OTUD4: variants seen among roughly 807,000 people sequenced by gnomAD.
OTUD4 encodes the protein OTU deubiquitinase 4, also known as OTU domain-containing protein 4.
Under a neutral mutation model 130.4 loss-of-function variants are expected in OTUD4, and 24 were observed. That is an observed-to-expected ratio of 0.18 (90% CI 0.13 to 0.26). The LOEUF (loss-of-function observed/expected upper bound fraction) is 0.26. Among genes scored for constraint, OTUD4 ranks in the 10% least tolerant of loss-of-function variants. The pLI is 1.00. For missense variants in OTUD4, 1,031 were observed against 1,329.4 expected (o/e 0.78, Z 3.49); for synonymous variants, 420 against 472.5 (o/e 0.89, Z 1.44).
Position 145,146,461 on chromosome 4 carries a change from C to CATAAATAAATAAATAA in OTUD4, c.1260-48_1260-33dup, listed in dbSNP as rs55722437. The CATAAATAAATAAATAA allele has an allele frequency of 4.4e-4, 415 of 948,260 alleles. 1 individual carries two copies. The African/African-American group carries it at 6.9e-3, about 16-fold the overall frequency. 58.7% of individuals were successfully genotyped at this position (948,260 alleles called of 1,614,324 possible). A position where few individuals can be genotyped will look rare whatever the true frequency, so the allele number is the denominator to read the frequency against. ...AATAAAACATTCTTGTCAGAAAATA[C>CATAAATAAATAAATAA]ATAAATAAATAAATAAATAAATAAA... On this transcript the variant is annotated intron_variant, in intron 13 of 20. Transcript: ENST00000447906.
At position 145,150,832 on chromosome 4, in the gene OTUD4, G is replaced by T; in HGVS notation, c.1042C>A (p.Pro348Thr). 1.2e-6 allele frequency: 2 copies of T among 1,613,860 alleles called. No homozygotes were observed. Among genetic ancestry groups the T allele is most frequent in the South Asian group, 2.2e-5 (2 of 91,068 alleles). Residue 348 changes from proline (P) to threonine (T), a missense_variant, in exon 12 of 21, where the codon CCT becomes ACT. By Grantham distance (38) the Pro-to-Thr change is conservative (BLOSUM62 -1). Transcript: ENST00000447906. ...NTVSGKKMKK[P>T]STSGQNFHSD... ...TGGAAATTTTGTCCAGAAGTGGAAG[G>T]TTTTTTCATCTTCTTCCCTGACACT... is the stretch of plus-strand genomic sequence containing the variant.
In OTUD4 at chr4:145,138,206, A is replaced by G. The variant is rs528454718; in HGVS notation, c.2569T>C (p.Phe857Leu). 3.1e-6 allele frequency: 5 copies of G among 1,614,022 alleles called. No homozygotes were observed. The East Asian group carries it at 8.9e-5, about 29-fold the overall frequency. Residue 857 changes from phenylalanine (F) to leucine (L), a missense_variant, in exon 21 of 21, where the codon TTC becomes CTC. Around this residue, in one of 3 missense-constraint regions of OTUD4, gnomAD observed 900 missense variants for 1,095.9 expected, o/e 0.82. Transcript: ENST00000447906. ...TACCCATACCAAACATGAGGAAAGA[A>G]AGGAGGTGCAATAGGAACTGGGCCT... Reference protein sequence around the residue: ...FLGPVPIAPPFFPHVWYGYPF... With the variant: ...FLGPVPIAPPLFPHVWYGYPF...
intron 13 of OTUD4, 143 bp downstream of exon 13, chr4:145,150,370 T>TC (rs1751011187): frequency 1.9e-6 from 1 of 534,696 alleles, no homozygotes; most frequent in Non-Finnish European, 3.3e-6. Flanking sequence ...TCACATGAAG[T>TC]TTTATACAAA....
chr4:145,174,879 G>A (rs868634004), intron 1 of OTUD4, 135 bp from the exon 2 acceptor site: 8 of 608,696 alleles, frequency 1.3e-5, no homozygotes, highest in Admixed American at 9.8e-5. Flanking sequence ...CTATAATTTC[G>A]ATATCTTTAC....
Position 145,174,670 on chromosome 4 carries a change from T to C in OTUD4, c.234A>G (p.Lys78=), listed in dbSNP as rs148594555. ...TGAAATTACAAGTTACCGCTTCAAA[T>C]TTCTCTCTGTTCTCTCGAAGATAGT... ...CIHYLRENRE[K]FEAFIEGSFE... is the part of the protein sequence containing the mutation. The change falls in exon 2 of 21, where the codon AAA becomes AAG. Residue 78 remains lysine, a synonymous_variant. Coordinates refer to ENST00000447906, the MANE Select transcript of OTUD4 (RefSeq NM_001366057.1). 7.4e-5 allele frequency: 117 copies of C among 1,591,782 alleles called. No individual in the cohort carries two copies. The African/African-American group carries it at 1.3e-3, about 18-fold the overall frequency.
At chr4:145,168,582 A>G (rs1751994162) in intron 3 of OTUD4, among the ~76,000 whole-genome samples, 1 of 152,140 alleles carries the variant, frequency 6.6e-6, no homozygotes, top group South Asian at 2.1e-4. Context: ...CATTTCACCA[A>G]CAAAATTAGA....
intron 13 of OTUD4, among the ~76,000 whole-genome samples, chr4:145,147,191 A>G (rs1218089493): frequency 2.6e-5 from 4 of 152,170 alleles, no homozygotes; most frequent in African/African-American, 9.7e-5. Context: ...TAAAAAAAAT[A>G]CTTTGTCACA....
rs1005795486 is a variant in OTUD4, at chr4:145,177,056, C to G, written c.160-2312G>C. On this transcript the variant is annotated intron_variant, in intron 1 of 20. Coordinates refer to ENST00000447906, the MANE Select transcript of OTUD4 (RefSeq NM_001366057.1). ...AAGGACTATCTATATATAAAAATAACCACCGTAGAATTTTTTTGCCAATTC... is the reference window on the plus strand; with the variant it reads ...AAGGACTATCTATATATAAAAATAAGCACCGTAGAATTTTTTTGCCAATTC... 4.5e-4 allele frequency among the ~76,000 whole-genome samples: 68 copies of G among 152,166 alleles called. 1 individual carries two copies. Among genetic ancestry groups the G allele is most frequent in the Non-Finnish European group, 2.9e-5 (2 of 68,044 alleles).
intron 1 of OTUD4, among the ~76,000 whole-genome samples, chr4:145,179,232 G>A (rs1752573490): frequency 6.6e-6 from 1 of 152,078 alleles, no homozygotes; most frequent in South Asian, 2.1e-4. Flanking sequence ...CATAATAAAG[G>A]GTGGAACCTA....
intron 7 of OTUD4, 182 bp downstream of exon 7, chr4:145,159,321 C>T: frequency 7.0e-7 from 1 of 1,419,872 alleles, no homozygotes; most frequent in Admixed American, 3.1e-5. Context: ...CAAACAGTCC[C>T]ATAATAGAAA....
In OTUD4 at chr4:145,136,511, A is replaced by G. The variant is rs1230763838; in HGVS notation, c.*919T>C. Reference sequence around the variant, plus strand: ...ACAACTCTAGAAACCTGTCAAGCTAAAAATTTTTAACATTTCTTCTCACAA... The same window carrying G: ...ACAACTCTAGAAACCTGTCAAGCTAGAAATTTTTAACATTTCTTCTCACAA... On this transcript the variant is annotated 3_prime_UTR_variant, in exon 21 of 21. Transcript: ENST00000447906. 7.4e-6 allele frequency: 1 copy of G among 134,932 alleles called. No individual in the cohort carries two copies. The highest frequency in any genetic ancestry group is 1.6e-5 in the Non-Finnish European group (1 of 64,492). 8.4% of individuals were successfully genotyped at this position (134,932 alleles called of 1,614,324 possible).
rs964640915 is a variant in OTUD4 at position 145,140,962 on chromosome 4, G to A, written c.2083+417C>T. On this transcript the variant is annotated intron_variant, in intron 19 of 20. Transcript: ENST00000447906. ...ACGCAGATTACGAGGTCGGGAGATC[G>A]AGACCATCCTGGCTAACACGGTGAA... Among the ~76,000 whole-genome samples, 7 of 151,974 alleles carry A rather than the reference G, an allele frequency of 4.6e-5. No homozygotes were observed. In the South Asian group the frequency reaches 1.0e-3, roughly 23 times the overall value.
At chr4:145,171,320 C>CAA (rs111725395) in intron 3 of OTUD4, 50 of 137,140 alleles carry the variant, frequency 3.6e-4, no homozygotes, top group Non-Finnish European at 5.6e-4. Context: ...AATTCCACCT[C>CAA]AAAAAAAAAA....
intron 15 of OTUD4, 33 bp from the exon 16 acceptor site, chr4:145,144,034 A>C: frequency 6.6e-7 from 1 of 1,521,530 alleles, no homozygotes; most frequent in Non-Finnish European, 9.1e-7. Flanking sequence ...AAGACAGCAT[A>C]AGCCACCAGT....
intron 1 of OTUD4, chr4:145,178,469 A>G (rs1464147869): frequency 2.0e-5 from 3 of 152,410 alleles, no homozygotes; most frequent in Admixed American, 6.5e-5. Context: ...AGGAAGCAGG[A>G]CAGACAGAGA....
At position 145,146,303 on chromosome 4, in the gene OTUD4, A is replaced by G; in HGVS notation, c.1386T>C (p.Ile462=). ...GGAAAGCCTGTTCATCTCTGTTCTG[A>G]ATCTCATAGAGTAAACGGGATTCTT... The part of the protein sequence containing the change: ...AIEESRLLYE[I]QNRDEQAFPA... Residue 462 remains isoleucine, a synonymous_variant, in exon 14 of 21, where the codon ATT becomes ATC. Transcript: ENST00000447906. The G allele has an allele frequency of 6.3e-7, 1 of 1,581,764 alleles. No individual in the cohort carries two copies. The highest frequency in any genetic ancestry group is 8.6e-7 in the Non-Finnish European group (1 of 1,167,940).
chr4:145,166,693 T>C (rs1383226684), intron 3 of OTUD4, among the ~76,000 whole-genome samples: 1 of 152,052 alleles, frequency 6.6e-6, no homozygotes, highest in Non-Finnish European at 1.5e-5. Flanking sequence ...TACAAAACAT[T>C]AGTCGGGCCT....
At chr4:145,142,511 G>A (rs957841046) in intron 17 of OTUD4, among the ~76,000 whole-genome samples, 177 bp from the exon 18 acceptor site, 2 of 152,188 alleles carry the variant, frequency 1.3e-5, no homozygotes, top group Admixed American at 1.3e-4. Context: ...AAGATAATAT[G>A]CAAACAAATT....
At chr4:145,169,283 A>G (rs1026684702) in intron 3 of OTUD4, among the ~76,000 whole-genome samples, 1 of 152,236 alleles carries the variant, frequency 6.6e-6, no homozygotes, top group Non-Finnish European at 1.5e-5. Flanking sequence ...ATTTCACTGT[A>G]TGTCAATTTT....
Sources: gnomAD v4.1 joint callset for allele counts (sites outside exome capture counted in the v4.1 genomes callset) on GRCh38, gnomAD v4.1.1 for gene constraint, gnomAD v4.1.1 regional missense constraint, MANE v1.5 for transcripts, NCBI Gene and HGNC (gene_info 2026-07-23, HGNC 2026-07-21) for gene names.